Variants in GTF2F2 observed in about 807,000 individuals in gnomAD.
The protein encoded by GTF2F2 is ATP-dependent helicase GTF2F2.
GTF2F2 carries 23 observed loss-of-function variants against 42.2 expected under a neutral mutation model. That is an observed-to-expected ratio of 0.55 (90% CI 0.39 to 0.77). GTF2F2 has a LOEUF of 0.77. GTF2F2 is among the 30% of genes least tolerant of loss of function. The pLI, the probability that GTF2F2 is intolerant of heterozygous loss-of-function variation, is 0.00. For synonymous variants in GTF2F2, 105 were observed against 100.8 expected (o/e 1.04, Z -0.25); for missense variants, 261 against 287.2 (o/e 0.91, Z 0.66).
chr13:45,230,884 G>GTT (rs1874642272), intron 5 of GTF2F2, among the ~76,000 whole-genome samples: 1 of 151,960 alleles, frequency 6.6e-6, no homozygotes, highest in Non-Finnish European at 1.5e-5. Context: ...AGACAGAAGT[G>GTT]TTTAAGTTTG....
rs146897687 is a variant in GTF2F2, at chr13:45,163,412, T to C, written c.304+11581T>C. On this transcript the variant is annotated intron_variant, in intron 4 of 7. Transcript: ENST00000340473. Reference sequence around the variant, plus strand: ...TTAGCCAGGCATGGTGGCGCACGCTTGTAGCACCAGCTGTTCTGGAGGCTG... The same window carrying C: ...TTAGCCAGGCATGGTGGCGCACGCTCGTAGCACCAGCTGTTCTGGAGGCTG... 4.6e-5 allele frequency among the ~76,000 whole-genome samples: 7 copies of C among 152,188 alleles called. No homozygotes were observed. In the East Asian group the frequency reaches 1.4e-3, roughly 29 times the overall value.
intron 5 of GTF2F2, among the ~76,000 whole-genome samples, chr13:45,219,185 TC>T (rs1874012128): frequency 6.6e-6 from 1 of 152,198 alleles, no homozygotes; most frequent in South Asian, 2.1e-4. Flanking sequence ...AAATCTCATT[TC>T]CTTTCTCACA....
intron 7 of GTF2F2, among the ~76,000 whole-genome samples, chr13:45,273,307 C>T (rs1431457608): frequency 6.6e-6 from 1 of 151,868 alleles, no homozygotes. Context: ...AACTCCTGGC[C>T]TCAAGCAGTC....
At chr13:45,183,829 G>C (rs2138159618) in intron 4 of GTF2F2, among the ~76,000 whole-genome samples, 1 of 152,128 alleles carries the variant, frequency 6.6e-6, no homozygotes. Flanking sequence ...TAAAGGATCA[G>C]ATTGTCTGCA....
chr13:45,194,728 G>T, intron 4 of GTF2F2: 5 of 648,448 alleles, frequency 7.7e-6, no homozygotes, highest in South Asian at 5.9e-5. Context: ...AGTAGGTGGC[G>T]TATCAGCCTA....
In GTF2F2 at chr13:45,194,526, A is replaced by G. The variant is rs573630345; in HGVS notation, c.305-12898A>G. 8.7e-6 allele frequency: 14 copies of G among 1,613,542 alleles called. No individual in the cohort carries two copies. In the East Asian group the frequency reaches 2.7e-4, roughly 31 times the overall value. On this transcript the variant is annotated intron_variant, in intron 4 of 7. Transcript: ENST00000340473. ...CTTCCAGGCTGTTGTGTTTCCCTTC[A>G]TACTCCTTTTCTTTTTCTCTTCTGT... is the stretch of plus-strand genomic sequence containing the variant.
At chr13:45,179,987 A>C (rs1243382446) in intron 4 of GTF2F2, among the ~76,000 whole-genome samples, 2 of 150,278 alleles carry the variant, frequency 1.3e-5, no homozygotes, top group African/African-American at 2.4e-5. Context: ...GAATTAAAGA[A>C]TTGGAGTCAT....
intron 2 of GTF2F2, among the ~76,000 whole-genome samples, chr13:45,149,327 C>A (rs1870362151): frequency 6.7e-6 from 1 of 149,280 alleles, no homozygotes; most frequent in Admixed American, 6.7e-5. Context: ...CTTGTAGACC[C>A]AGCTACTTGG....
intron 4 of GTF2F2, among the ~76,000 whole-genome samples, chr13:45,166,696 G>A (rs1352187409): frequency 1.3e-5 from 2 of 152,028 alleles, no homozygotes; most frequent in Admixed American, 6.6e-5. Context: ...AGAAGTAGGT[G>A]GTATGAGAAT....
At chr13:45,127,664 T>G (rs1869096026) in intron 1 of GTF2F2, among the ~76,000 whole-genome samples, 1 of 151,600 alleles carries the variant, frequency 6.6e-6, no homozygotes, top group Admixed American at 6.6e-5. Flanking sequence ...GGAATCTTGC[T>G]CTTGTCGCCC....
At chr13:45,202,140 A>C (rs1431721161) in intron 4 of GTF2F2, among the ~76,000 whole-genome samples, 1 of 152,102 alleles carries the variant, frequency 6.6e-6, no homozygotes, top group Non-Finnish European at 1.5e-5. Context: ...TAATCCTAGC[A>C]CTTTGGGAGG....
intron 4 of GTF2F2, among the ~76,000 whole-genome samples, chr13:45,172,051 G>T (rs1225829757): frequency 6.6e-6 from 1 of 152,042 alleles, no homozygotes; most frequent in African/African-American, 2.4e-5. Flanking sequence ...GAATGATGCT[G>T]CTATGAATAT....
chr13:45,182,656 G>A (rs1872222091), intron 4 of GTF2F2, among the ~76,000 whole-genome samples: 1 of 152,028 alleles, frequency 6.6e-6, no homozygotes, highest in South Asian at 2.1e-4. Flanking sequence ...TTGCTTAAAG[G>A]TAGTCTACTT....
rs1002796694 is a variant in GTF2F2 at position 45,167,175 on chromosome 13, T to C, written c.304+15344T>C. On this transcript the variant is annotated intron_variant, in intron 4 of 7. Transcript: ENST00000340473. The stretch of plus-strand genomic sequence containing the variant: ...TATACAGACTGTATCATTAGCTATT[T>C]CAAAATAATAAAGGGTAAAAAGCCC... Among the ~76,000 whole-genome samples the C allele has an allele frequency of 4.0e-5, 6 of 151,472 alleles. No homozygotes were observed. In the South Asian group the frequency reaches 6.2e-4, roughly 16 times the overall value.
intron 7 of GTF2F2, among the ~76,000 whole-genome samples, chr13:45,279,069 C>T (rs1174237200): frequency 1.3e-5 from 2 of 151,972 alleles, no homozygotes; most frequent in East Asian, 1.9e-4. Flanking sequence ...GTGATCCACC[C>T]GCCTCAGCCT....
At chr13:45,278,880 G>A (rs1478549395) in intron 7 of GTF2F2, among the ~76,000 whole-genome samples, 1 of 125,218 alleles carries the variant, frequency 8.0e-6, no homozygotes, top group Admixed American at 9.5e-5. Flanking sequence ...CTGGAGTACA[G>A]TGGTGCGATC....
chr13:45,193,494 A>G (rs771409844), intron 4 of GTF2F2: 38 of 280,128 alleles, frequency 1.4e-4, no homozygotes, highest in Non-Finnish European at 2.1e-4. Flanking sequence ...AGACAATCTG[A>G]ATTGAAAGAC....
At chr13:45,157,275 T>C (rs1293598910) in intron 4 of GTF2F2, among the ~76,000 whole-genome samples, 1 of 151,486 alleles carries the variant, frequency 6.6e-6, no homozygotes, top group Non-Finnish European at 1.5e-5. Context: ...GGGGGAAGAG[T>C]AGTGGGCTAA....
At chr13:45,138,206 C>T (rs1212117402) in intron 2 of GTF2F2, among the ~76,000 whole-genome samples, 1 of 152,206 alleles carries the variant, frequency 6.6e-6, no homozygotes, top group Non-Finnish European at 1.5e-5. Context: ...CCCCAGGACT[C>T]AGTCCTTAGT....
Sources: gnomAD v4.1 joint callset for allele counts (sites outside exome capture counted in the v4.1 genomes callset) on GRCh38, gnomAD v4.1.1 for gene constraint, MANE v1.5 for transcripts, NCBI Gene and HGNC (gene_info 2026-07-23, HGNC 2026-07-21) for gene names.